Variants in WDFY2 observed in about 807,000 individuals in gnomAD.
WDFY2 encodes WD repeat and FYVE domain-containing protein 2.
A neutral mutation model predicts 56.4 loss-of-function variants in WDFY2; 36 were observed. The ratio of observed to expected loss-of-function variants is 0.64; its 90% confidence interval spans 0.49 to 0.84. The LOEUF is 0.84. WDFY2 is among the 40% of genes least tolerant of loss of function. The pLI, the probability that WDFY2 is intolerant of heterozygous loss-of-function variation, is 0.00. For missense variants in WDFY2, 444 were observed against 512.2 expected (o/e 0.87, Z 1.29); for synonymous variants, 176 against 183.7 (o/e 0.96, Z 0.34).
intron 11 of WDFY2, among the ~76,000 whole-genome samples, chr13:51,758,610 C>T (rs762685722): frequency 3.4e-5 from 5 of 148,946 alleles, no homozygotes; most frequent in Admixed American, 1.3e-4. Context: ...GAACCTATTA[C>T]AAACCTGATA....
intron 1 of WDFY2, among the ~76,000 whole-genome samples, chr13:51,624,755 C>T (rs1954808818): frequency 6.6e-6 from 1 of 152,172 alleles, no homozygotes. Context: ...ACAGAGGCAA[C>T]ATCTGAGCAA....
At chr13:51,664,718 C>G (rs1216703756) in intron 2 of WDFY2, among the ~76,000 whole-genome samples, 1 of 152,150 alleles carries the variant, frequency 6.6e-6, no homozygotes, top group African/African-American at 2.4e-5. Context: ...CATTGTACAC[C>G]TCCTAATTCC....
chr13:51,720,882 A>T (rs547146639), intron 5 of WDFY2, among the ~76,000 whole-genome samples: 3 of 151,920 alleles, frequency 2.0e-5, no homozygotes, highest in Non-Finnish European at 4.4e-5. Flanking sequence ...TCTACAAACA[A>T]CATCACACTG....
intron 6 of WDFY2, 146 bp from the exon 7 acceptor site, chr13:51,738,903 T>G (rs1369267134): frequency 9.3e-7 from 1 of 1,080,280 alleles, no homozygotes; most frequent in Non-Finnish European, 1.2e-6. Flanking sequence ...CTTTTTTCTC[T>G]TTGGGGACTT....
At chr13:51,757,427 C>T (rs1481583441) in intron 10 of WDFY2, among the ~76,000 whole-genome samples, 1 of 151,520 alleles carries the variant, frequency 6.6e-6, no homozygotes, top group Non-Finnish European at 1.5e-5. Flanking sequence ...TACTGAAGAT[C>T]TATCCTGCAG....
chr13:51,588,888 T>C (rs1298855800), intron 1 of WDFY2: 1 of 152,168 alleles, frequency 6.6e-6, no homozygotes. Flanking sequence ...TAAAAAGGCC[T>C]GTGTTGGTGG....
chr13:51,682,914 A>C (rs368209008), intron 3 of WDFY2, among the ~76,000 whole-genome samples: 1 of 152,124 alleles, frequency 6.6e-6, no homozygotes, highest in Non-Finnish European at 1.5e-5. Flanking sequence ...TATTCAACTT[A>C]TTTCTGGTCC....
At chr13:51,685,068 A>C (rs1044460728) in intron 3 of WDFY2, among the ~76,000 whole-genome samples, 1 of 152,144 alleles carries the variant, frequency 6.6e-6, no homozygotes, top group Admixed American at 6.6e-5. Flanking sequence ...GGCTGTGTAC[A>C]TGCAGTCCTT....
intron 1 of WDFY2, among the ~76,000 whole-genome samples, chr13:51,644,460 T>G (rs562913472): frequency 2.0e-5 from 3 of 152,368 alleles, no homozygotes; most frequent in Admixed American, 6.5e-5. Context: ...GTCACTTGAC[T>G]GTAATTTTAA....
intron 5 of WDFY2, among the ~76,000 whole-genome samples, chr13:51,725,604 T>C (rs943899382): frequency 6.6e-6 from 1 of 152,210 alleles, no homozygotes; most frequent in African/African-American, 2.4e-5. Context: ...TCATTCATTT[T>C]ACTTTGTTTT....
chr13:51,757,744 G>GTGAAAAAGGAAAAA (rs1354818318), intron 10 of WDFY2, among the ~76,000 whole-genome samples: 2 of 151,444 alleles, frequency 1.3e-5, no homozygotes, highest in Non-Finnish European at 2.9e-5. Context: ...AGTCATACCA[G>GTGAAAAAGGAAAAA]TGAAAAAGGA....
chr13:51,657,502 A>C (rs1195149231), intron 1 of WDFY2, among the ~76,000 whole-genome samples: 2 of 152,140 alleles, frequency 1.3e-5, no homozygotes, highest in Non-Finnish European at 2.9e-5. Flanking sequence ...TTATCTGAGA[A>C]TGTCTTAATT....
intron 1 of WDFY2, among the ~76,000 whole-genome samples, chr13:51,633,248 T>G (rs1954987432): frequency 6.6e-6 from 1 of 152,230 alleles, no homozygotes; most frequent in Admixed American, 6.5e-5. Context: ...ACCCTGGAGC[T>G]GTCAGTAGGC....
At chr13:51,756,214 G>A in intron 9 of WDFY2, 118 bp from the exon 10 acceptor site, 1 of 1,432,712 alleles carries the variant, frequency 7.0e-7, no homozygotes, top group South Asian at 1.4e-5. Flanking sequence ...GGGCTCTCTT[G>A]TTCAGCATCC....
At chr13:51,695,711 A>G (rs554655948) in intron 3 of WDFY2, among the ~76,000 whole-genome samples, 4 of 152,336 alleles carry the variant, frequency 2.6e-5, no homozygotes, top group African/African-American at 9.6e-5. Flanking sequence ...TGCTCTCTTC[A>G]AAGCTGTCAG....
intron 3 of WDFY2, among the ~76,000 whole-genome samples, chr13:51,680,884 A>G (rs1309454471): frequency 6.6e-6 from 1 of 152,150 alleles, no homozygotes; most frequent in East Asian, 1.9e-4. Context: ...TTCTTCATAC[A>G]AGTAGGACAG....
rs555685737 is a variant in WDFY2 at position 51,657,132 on chromosome 13, A to G, written c.138-3464A>G. On this transcript the variant is annotated intron_variant, in intron 1 of 11. Coordinates refer to ENST00000298125, the MANE Select transcript of WDFY2 (RefSeq NM_052950.4). ...TGATTCCCTTATTTTTCTCTTCTGTATACCTAAATTTATATAATCTAGTTT... is the reference window on the plus strand; with the variant it reads ...TGATTCCCTTATTTTTCTCTTCTGTGTACCTAAATTTATATAATCTAGTTT... Among the ~76,000 whole-genome samples, 4 of 151,996 alleles carry G rather than the reference A, an allele frequency of 2.6e-5. No homozygotes were observed. In the East Asian group the frequency reaches 7.7e-4, roughly 29 times the overall value.
chr13:51,744,788 A>G (rs993160976), intron 7 of WDFY2, among the ~76,000 whole-genome samples: 1 of 152,258 alleles, frequency 6.6e-6, no homozygotes, highest in Admixed American at 6.5e-5. Context: ...TAAACGCTAC[A>G]GTGATGTCAG....
At chr13:51,684,106 G>A (rs919120318) in intron 3 of WDFY2, among the ~76,000 whole-genome samples, 1 of 152,120 alleles carries the variant, frequency 6.6e-6, no homozygotes, top group Non-Finnish European at 1.5e-5. Flanking sequence ...AGTGTAGGAA[G>A]ACAACCATCA....
Sources: gnomAD v4.1 joint callset for allele counts (sites outside exome capture counted in the v4.1 genomes callset) on GRCh38, gnomAD v4.1.1 for gene constraint, MANE v1.5 for transcripts, NCBI Gene and HGNC (gene_info 2026-07-23, HGNC 2026-07-21) for gene names.